EPHB1: variants seen among roughly 807,000 people sequenced by gnomAD.
EPHB1 encodes the protein ephrin type-B receptor 1.
In EPHB1, 30 loss-of-function variants were observed where a neutral mutation model predicts 94.4. The ratio of observed to expected loss-of-function variants is 0.32; its 90% CI spans 0.24 to 0.43. EPHB1 has a LOEUF of 0.43. Ranked by LOEUF, EPHB1 falls within the 20% of genes least tolerant of loss-of-function variation. The pLI is 1.00. For synonymous variants in EPHB1, 522 were observed against 489.1 expected, an observed-to-expected ratio of 1.07 and a Z score of -0.89; for missense variants, 1,055 against 1,308.3, an observed-to-expected ratio of 0.81 and a Z score of 2.99.
intron 4 of EPHB1, among the ~76,000 whole-genome samples, chr3:135,112,103 G>A (rs1939471374): frequency 2.0e-5 from 3 of 152,250 alleles, no homozygotes; most frequent in African/African-American, 7.2e-5. Context: ...GCTGGAGTGA[G>A]CTCAGCGGGG....
At chr3:135,079,238 G>A (rs916747778) in intron 3 of EPHB1, among the ~76,000 whole-genome samples, 1 of 152,184 alleles carries the variant, frequency 6.6e-6, no homozygotes, top group Non-Finnish European at 1.5e-5. Flanking sequence ...TTGATCATGG[G>A]GCGTTGAGTC....
At chr3:135,245,513 C>CAAAAAAA (rs57521935) in intron 13 of EPHB1, among the ~76,000 whole-genome samples, 15 of 124,026 alleles carry the variant, frequency 1.2e-4, no homozygotes, top group African/African-American at 3.7e-4. Flanking sequence ...GAACAGTCTT[C>CAAAAAAA]AAAAAAAAAA....
intron 1 of EPHB1, among the ~76,000 whole-genome samples, chr3:134,916,029 A>T (rs1053176147): frequency 6.6e-6 from 1 of 152,046 alleles, no homozygotes; most frequent in Non-Finnish European, 1.5e-5. Flanking sequence ...CAGAGAGCTG[A>T]TTGGTCCGTT....
rs1034616526 is a variant in EPHB1, at chr3:135,032,244, A to AT, written c.806-74193dup. ...TGAGACTTCTCAGATGGATTCTTTT[A>AT]TTTTTTTTTTTAAATCTCTTTTTTC... On this transcript the variant is annotated intron_variant, in intron 3 of 15. Transcript: ENST00000398015. 1.1e-3 allele frequency among the ~76,000 whole-genome samples: 136 copies of AT among 121,182 alleles called. 1 individual carries two copies. The highest frequency in any genetic ancestry group is 3.6e-3 in the African/African-American group (114 of 31,414). The allele number at this position is 121,182 out of a possible 152,430, so 79.5% of individuals were successfully genotyped here. A position where few individuals can be genotyped will look rare whatever the true frequency, so the allele number is the denominator to read the frequency against.
At chr3:135,122,038 G>C (rs1259131323) in intron 4 of EPHB1, among the ~76,000 whole-genome samples, 1 of 152,132 alleles carries the variant, frequency 6.6e-6, no homozygotes. Context: ...TCCAGGCTCA[G>C]GGGGATAGAT....
intron 1 of EPHB1, among the ~76,000 whole-genome samples, chr3:134,811,971 A>C (rs1431690752): frequency 1.3e-5 from 2 of 152,220 alleles, no homozygotes; most frequent in Admixed American, 6.5e-5. Flanking sequence ...GTAACTCAGA[A>C]GCCTTGGGCA....
chr3:134,905,207 AC>A (rs2038293399), intron 1 of EPHB1, among the ~76,000 whole-genome samples: 1 of 152,180 alleles, frequency 6.6e-6, no homozygotes, highest in Admixed American at 6.5e-5. Flanking sequence ...GATTGGATGG[AC>A]ACTGGGGATC....
chr3:135,159,493 G>A (rs1359524373), intron 6 of EPHB1, among the ~76,000 whole-genome samples: 1 of 152,190 alleles, frequency 6.6e-6, no homozygotes, highest in African/African-American at 2.4e-5. Context: ...TTGTAGCAAT[G>A]GGATTTTATT....
chr3:135,016,715 C>T (rs377136237), intron 3 of EPHB1, among the ~76,000 whole-genome samples: 3 of 152,312 alleles, frequency 2.0e-5, no homozygotes, highest in South Asian at 4.1e-4. Context: ...TACATGGCAG[C>T]GGGGTGCCAG....
At chr3:135,161,902 T>A in intron 6 of EPHB1, 116 bp from the exon 7 acceptor site, 1 of 1,160,656 alleles carries the variant, frequency 8.6e-7, no homozygotes, top group South Asian at 1.7e-5. Flanking sequence ...TGATGACAAC[T>A]GCTAGCAGAT....
intron 1 of EPHB1, among the ~76,000 whole-genome samples, chr3:134,810,480 T>C (rs1428997754): frequency 1.3e-5 from 2 of 152,076 alleles, no homozygotes; most frequent in East Asian, 1.9e-4. Flanking sequence ...GAAAGGACAA[T>C]GAGAACAACG....
chr3:135,126,754 G>C (rs559007820), intron 4 of EPHB1, among the ~76,000 whole-genome samples: 1 of 152,292 alleles, frequency 6.6e-6, no homozygotes, highest in African/African-American at 2.4e-5. Context: ...CCTTGCATCT[G>C]TACCACTTTG....
intron 1 of EPHB1, among the ~76,000 whole-genome samples, chr3:134,805,823 C>T (rs531037620): frequency 6.6e-6 from 1 of 152,286 alleles, no homozygotes; most frequent in South Asian, 2.1e-4. Flanking sequence ...TTTCTCCTGT[C>T]CCACACTCGA....
At chr3:134,856,789 C>T (rs551854383) in intron 1 of EPHB1, among the ~76,000 whole-genome samples, 5 of 152,164 alleles carry the variant, frequency 3.3e-5, no homozygotes, top group African/African-American at 7.2e-5. Flanking sequence ...TAAACTAAAT[C>T]GTTAAAATTA....
At chr3:134,948,648 T>A (rs2039261988) in intron 2 of EPHB1, among the ~76,000 whole-genome samples, 1 of 152,204 alleles carries the variant, frequency 6.6e-6, no homozygotes, top group Non-Finnish European at 1.5e-5. Flanking sequence ...AGGTGAGACA[T>A]CTCTTCCGTG....
At chr3:135,225,997 T>G (rs926974238) in intron 12 of EPHB1, among the ~76,000 whole-genome samples, 1 of 152,206 alleles carries the variant, frequency 6.6e-6, no homozygotes, top group Non-Finnish European at 1.5e-5. Context: ...AAGAGATTAG[T>G]CAGTGGGGAA....
chr3:135,188,094 G>A (rs1942373487), intron 10 of EPHB1, among the ~76,000 whole-genome samples: 2 of 152,036 alleles, frequency 1.3e-5, no homozygotes, highest in South Asian at 4.1e-4. Flanking sequence ...AGCTACTTGG[G>A]AGGCTGAGGC....
At chr3:135,139,554 A>T (rs1235362974) in intron 5 of EPHB1, among the ~76,000 whole-genome samples, 2 of 152,140 alleles carry the variant, frequency 1.3e-5, no homozygotes, top group Non-Finnish European at 2.9e-5. Flanking sequence ...ACAGCAGCAA[A>T]CATAACAGAC....
intron 2 of EPHB1, among the ~76,000 whole-genome samples, chr3:134,936,572 C>G (rs977703496): frequency 6.7e-6 from 1 of 148,560 alleles, no homozygotes; most frequent in South Asian, 2.1e-4. Flanking sequence ...GCTGAACGCG[C>G]CCCCCCCTCC....
Sources: allele counts gnomAD v4.1 joint callset (sites outside exome capture counted in the v4.1 genomes callset), GRCh38; gene constraint gnomAD v4.1.1; transcripts MANE v1.5; gene names NCBI Gene and HGNC (gene_info 2026-07-23, HGNC 2026-07-21).